ILKAP: variants seen among roughly 807,000 people sequenced by gnomAD.
The protein encoded by ILKAP is ILK associated serine/threonine phosphatase, also known as integrin-linked kinase-associated serine/threonine phosphatase 2C.
In ILKAP, 11 loss-of-function variants were observed where a neutral mutation model predicts 49.1. The observed-to-expected ratio is 0.22, with a 90% CI of 0.14 to 0.37. The LOEUF (loss-of-function observed/expected upper bound fraction) is 0.37, where lower values mean the gene tolerates loss of function less well. Ranked by LOEUF, ILKAP falls within the 10% of genes least tolerant of loss-of-function variation. The pLI is 1.00. For missense variants in ILKAP, 363 were observed against 510.8 expected, an observed-to-expected ratio of 0.71 and a Z score of 2.79; for synonymous variants, 186 against 192.8, an observed-to-expected ratio of 0.96 and a Z score of 0.29.
Position 238,182,327 on chromosome 2 carries a change from C to T in ILKAP, c.715-141G>A, listed in dbSNP as rs186134564. On this transcript the variant is annotated intron_variant, in intron 8 of 11. Transcript: ENST00000254654. ...TCACATTCAGCCTCCTGCTGATAAA[C>T]GTAAGTTCAGAGAATCAAGCAGCAA... 42 of 987,096 alleles carry T rather than the reference C, an allele frequency of 4.3e-5. No homozygotes were observed. The East Asian group carries it at 5.4e-4, about 13-fold the overall frequency. 61.1% of individuals were successfully genotyped at this position (987,096 alleles called of 1,614,324 possible).
intron 8 of ILKAP, 99 bp from the exon 9 acceptor site, chr2:238,182,285 C>G: frequency 7.1e-7 from 1 of 1,408,372 alleles, no homozygotes; most frequent in East Asian, 2.4e-5. Context: ...TTGAAGAAAA[C>G]AGTTAACAAT....
intron 3 of ILKAP, 137 bp downstream of exon 3, chr2:238,194,138 T>C (rs974998540): frequency 1.6e-6 from 1 of 636,688 alleles, no homozygotes; most frequent in Non-Finnish European, 2.7e-6. Context: ...TGCCTGTTTA[T>C]AGTTTTAGTA....
chr2:238,174,488 G>C lies in ILKAP; in HGVS notation c.837-835C>G, dbSNP rs114560901. ...AGCACTCCGCAAATGCCACGGCTGC[G>C]CATGGGCGTTTAAGATCACCACGGG... On this transcript the variant is annotated intron_variant, in intron 9 of 11. Transcript: ENST00000254654. Among the ~76,000 whole-genome samples, 295 of 152,320 alleles carry C rather than the reference G, an allele frequency of 1.9e-3. 1 individual carries two copies. The highest frequency in any genetic ancestry group is 6.6e-3 in the African/African-American group (276 of 41,550).
chr2:238,196,086 CTTTTTTT>C (rs34504570), intron 1 of ILKAP, among the ~76,000 whole-genome samples: 3,758 of 77,378 alleles, frequency 0.049, 45 homozygotes, highest in African/African-American at 0.091. Flanking sequence ...AACCAATTCA[CTTTTTTT>C]TTTTTTTTTT....
rs562635839 is a variant in ILKAP at position 238,176,129 on chromosome 2, T to C, written c.837-2476A>G. Among the ~76,000 whole-genome samples, 314 of 108,612 alleles carry C rather than the reference T, an allele frequency of 2.9e-3. 1 individual carries two copies. Among genetic ancestry groups the C allele is most frequent in the African/African-American group, 0.011 (302 of 27,982 alleles). The allele number at this position is 108,612 out of a possible 152,430, so 71.3% of individuals were successfully genotyped here. A position where few individuals can be genotyped will look rare whatever the true frequency, so the allele number is the denominator to read the frequency against. Reference sequence around the variant, plus strand: ...CCTCATAATTACAATGCTTAGCAAGTAGTGGCTTTTTTTTTTTTTTTTGAG... The same window carrying C: ...CCTCATAATTACAATGCTTAGCAAGCAGTGGCTTTTTTTTTTTTTTTTGAG... On this transcript the variant is annotated intron_variant, in intron 9 of 11. Transcript: ENST00000254654.
rs751772040 is a variant in ILKAP, at chr2:238,189,920, T to C, written c.231A>G (p.Ala77=). 1.4e-5 allele frequency: 22 copies of C among 1,613,972 alleles called. No individual in the cohort carries two copies. Among genetic ancestry groups the C allele is most frequent in the South Asian group, 5.5e-5 (5 of 91,086 alleles). ...TCTCTTCCTCGGAGGTTTTTCTCTT[T>C]GCTCCTTTCCCTTCAGTCTTTACCA... ...SQMVKTEGKG[A]KRKTSEEEKN... is the part of the protein sequence containing the mutation. The change falls in exon 4 of 12, where the codon GCA becomes GCG. Residue 77 remains alanine (A), a synonymous_variant. Coordinates refer to ENST00000254654, the MANE Select transcript of ILKAP (RefSeq NM_030768.3).
chr2:238,194,962 C>A (rs7558210), intron 1 of ILKAP, 92 bp from the exon 2 acceptor site: 1 of 997,004 alleles, frequency 1.0e-6, no homozygotes, highest in Non-Finnish European at 1.6e-6. Context: ...CCTGCTTTGA[C>A]ACAAGTTTGC....
At chr2:238,194,657 G>C (rs1156397192) in intron 2 of ILKAP, 148 bp downstream of exon 2, 1 of 776,750 alleles carries the variant, frequency 1.3e-6, no homozygotes, top group Non-Finnish European at 2.1e-6. Context: ...TGCCTTACCT[G>C]ATGCCATGGA....
At chr2:238,174,732 C>A (rs573531152) in intron 9 of ILKAP, among the ~76,000 whole-genome samples, 3 of 152,174 alleles carry the variant, frequency 2.0e-5, no homozygotes, top group Non-Finnish European at 4.4e-5. Context: ...GCCTAGCGAT[C>A]TTCTAGGATA....
Position 238,188,250 on chromosome 2 carries a change from C to T in ILKAP, c.306G>A (p.Ser102=). The part of the protein sequence containing the change: ...LVEKKVCKAS[S]VIFGLKGYVA... ...CATAGCCCTTCAGACCAAAGATCAC[C>T]GAAGAGGCTAAGGAAAAGAGAACAA... Residue 102 remains serine, a synonymous_variant, in exon 5 of 12, where the codon TCG becomes TCA. Coordinates refer to ENST00000254654, the MANE Select transcript of ILKAP (RefSeq NM_030768.3). 3.1e-6 allele frequency: 5 copies of T among 1,613,654 alleles called. No individual in the cohort carries two copies. The highest frequency in any genetic ancestry group is 4.2e-6 in the Non-Finnish European group (5 of 1,179,848).
Position 238,170,636 on chromosome 2 carries a change from T to C in ILKAP, c.1079A>G (p.Asp360Gly). ...IQTREGKSAADARYEAACNRL... is the reference protein window; with the variant it reads ...IQTREGKSAAGARYEAACNRL... Reference sequence around the variant, plus strand: ...GTTGCAGGCTGCTTCGTAGCGGGCGTCGGCTGCGGACTTCCCTTCCCGGGT... The same window carrying C: ...GTTGCAGGCTGCTTCGTAGCGGGCGCCGGCTGCGGACTTCCCTTCCCGGGT... The change falls in exon 12 of 12, where the codon GAC becomes GGC. Residue 360 changes from aspartate (D) to glycine (G), a missense_variant. Around this residue, in one of 3 missense-constraint regions of ILKAP, gnomAD observed 83 missense variants for 87.5 expected, o/e 0.95. Coordinates refer to ENST00000254654, the MANE Select transcript of ILKAP (RefSeq NM_030768.3). 6.2e-7 allele frequency: 1 copy of C among 1,601,756 alleles called. No individual in the cohort carries two copies. Among genetic ancestry groups the C allele is most frequent in the Non-Finnish European group, 8.5e-7 (1 of 1,170,332 alleles).
intron 9 of ILKAP, among the ~76,000 whole-genome samples, chr2:238,177,956 T>C (rs1693535881): frequency 6.6e-6 from 1 of 152,126 alleles, no homozygotes; most frequent in African/African-American, 2.4e-5. Context: ...GGGGTTCTCA[T>C]TTTCTCCCTG....
intron 11 of ILKAP, 103 bp from the exon 12 acceptor site, chr2:238,170,779 G>A: frequency 6.4e-7 from 1 of 1,563,792 alleles, no homozygotes; most frequent in Non-Finnish European, 8.8e-7. Flanking sequence ...TCTCCATCAG[G>A]GCTGGCAGGA....
At chr2:238,184,843 G>A (rs1228051992) in intron 6 of ILKAP, among the ~76,000 whole-genome samples, 6 of 151,996 alleles carry the variant, frequency 3.9e-5, no homozygotes, top group Non-Finnish European at 7.4e-5. Flanking sequence ...GTGAGCCACC[G>A]TGCCCAGCCA....
intron 1 of ILKAP, among the ~76,000 whole-genome samples, chr2:238,195,096 C>A (rs1177886558): frequency 2.0e-5 from 3 of 152,084 alleles, no homozygotes; most frequent in Non-Finnish European, 4.4e-5. Flanking sequence ...TGATTGATGC[C>A]CTAACAGGCA....
At chr2:238,194,203 C>T (rs1694256070) in intron 3 of ILKAP, 72 bp downstream of exon 3, 2 of 1,337,436 alleles carry the variant, frequency 1.5e-6, no homozygotes, top group Non-Finnish European at 1.1e-6. Context: ...AAAACCTATA[C>T]ATAAATTTCA....
intron 9 of ILKAP, 83 bp downstream of exon 9, chr2:238,181,982 A>G: frequency 6.9e-7 from 1 of 1,444,834 alleles, no homozygotes; most frequent in Non-Finnish European, 9.6e-7. Context: ...GTAACAGGGG[A>G]AGTTCTACTC....
chr2:238,181,613 GT>G (rs1199889845), intron 9 of ILKAP, among the ~76,000 whole-genome samples: 39 of 144,676 alleles, frequency 2.7e-4, no homozygotes, highest in African/African-American at 7.1e-4. Flanking sequence ...AAAGTGACAG[GT>G]TTTTTTTTTG....
rs1029181439 is a variant in ILKAP at position 238,177,689 on chromosome 2, T to C, written c.837-4036A>G. On this transcript the variant is annotated intron_variant, in intron 9 of 11. Coordinates refer to ENST00000254654, the MANE Select transcript of ILKAP (RefSeq NM_030768.3). ...TGAGGTTAAATAATATTCTGTTATA[T>C]AGACATCTCACGTTGCTTATCTATT... is the stretch of plus-strand genomic sequence containing the variant. 2.6e-5 allele frequency among the ~76,000 whole-genome samples: 4 copies of C among 152,252 alleles called. No individual in the cohort carries two copies. The East Asian group carries it at 5.8e-4, about 22-fold the overall frequency.
Sources: allele counts gnomAD v4.1 joint callset (sites outside exome capture counted in the v4.1 genomes callset), GRCh38; gene constraint gnomAD v4.1.1; regional missense constraint gnomAD v4.1.1; transcripts MANE v1.5; gene names NCBI Gene and HGNC (gene_info 2026-07-23, HGNC 2026-07-21).